SSH1: variants seen among roughly 807,000 people sequenced by gnomAD.
SSH1 encodes the protein protein phosphatase Slingshot homolog 1.
In SSH1, 43 loss-of-function variants were observed where a neutral mutation model predicts 79.7. That is an observed-to-expected ratio of 0.54 (90% CI 0.42 to 0.70). SSH1 has a LOEUF of 0.70. Ranked by LOEUF, SSH1 falls within the 30% of genes least tolerant of loss-of-function variation. SSH1 has a pLI of 0.00. For synonymous variants in SSH1, 599 were observed against 538.3 expected (o/e 1.11, Z -1.56); for missense variants, 1,206 against 1,358.8 (o/e 0.89, Z 1.77).
Position 108,787,295 on chromosome 12 carries a change from A to C in SSH1, c.*693T>G, listed in dbSNP as rs536070128. ...CCCTGTGCTGGTCAAACACGTAACA[A>C]CACAACCAGGACAGGGCGCCTGCAC... On this transcript the variant is annotated 3_prime_UTR_variant, in exon 15 of 15. Coordinates refer to ENST00000326495, the MANE Select transcript of SSH1 (RefSeq NM_018984.4). 1 of 152,632 alleles carries C rather than the reference A, an allele frequency of 6.6e-6. No individual in the cohort carries two copies. The highest frequency in any genetic ancestry group is 1.9e-4 in the East Asian group (1 of 5,194). The allele number at this position is 152,632 out of a possible 1,614,324, so 9.5% of individuals were successfully genotyped here. A position where few individuals can be genotyped will look rare whatever the true frequency, so the allele number is the denominator to read the frequency against.
intron 9 of SSH1, among the ~76,000 whole-genome samples, 169 bp downstream of exon 9, chr12:108,806,132 G>A (rs4631932): frequency 6.6e-6 from 1 of 152,116 alleles, no homozygotes; most frequent in South Asian, 2.1e-4. Flanking sequence ...GTCTGACTCC[G>A]AGGCCTGATA....
chr12:108,820,889 G>A (rs1358690578), intron 3 of SSH1, among the ~76,000 whole-genome samples: 2 of 152,182 alleles, frequency 1.3e-5, no homozygotes, highest in Non-Finnish European at 2.9e-5. Flanking sequence ...CGACCTCATC[G>A]TCCACTCCAG....
At chr12:108,806,151 G>A (rs1186104354) in intron 9 of SSH1, 150 bp downstream of exon 9, 1 of 777,910 alleles carries the variant, frequency 1.3e-6, no homozygotes, top group African/African-American at 1.7e-5. Flanking sequence ...TACAATTGTA[G>A]AACGAGGCAG....
chr12:108,813,412 C>T (rs978700947), intron 5 of SSH1, among the ~76,000 whole-genome samples: 14 of 151,888 alleles, frequency 9.2e-5, no homozygotes, highest in Admixed American at 2.6e-4. Flanking sequence ...GTTCCCAATC[C>T]GAATCGAAAA....
intron 2 of SSH1, among the ~76,000 whole-genome samples, chr12:108,828,121 G>A (rs887780842): frequency 6.6e-6 from 1 of 152,180 alleles, no homozygotes; most frequent in Non-Finnish European, 1.5e-5. Context: ...AATGGAATAA[G>A]TACCCTAAGA....
rs1013926237 is a variant in SSH1 at position 108,790,564 on chromosome 12, G to T, written c.1894-1320C>A. On this transcript the variant is annotated intron_variant, in intron 14 of 14. Coordinates refer to ENST00000326495, the MANE Select transcript of SSH1 (RefSeq NM_018984.4). ...CTCCAAAAGTGCTGGGATTATAAGC[G>T]TGAGCCACTGCACCTGGCCCAGGGT... is the stretch of plus-strand genomic sequence containing the variant. Among the ~76,000 whole-genome samples the T allele has an allele frequency of 2.0e-5, 3 of 152,286 alleles. No individual in the cohort carries two copies. In the South Asian group the frequency reaches 6.2e-4, roughly 32 times the overall value.
chr12:108,817,927 C>A (rs187367541), intron 4 of SSH1, among the ~76,000 whole-genome samples: 1 of 151,948 alleles, frequency 6.6e-6, no homozygotes, highest in Admixed American at 6.6e-5. Context: ...TGGCTGGGCA[C>A]GGTGGCTTAC....
intron 2 of SSH1, among the ~76,000 whole-genome samples, chr12:108,846,252 T>C (rs1256901685): frequency 6.6e-6 from 1 of 151,972 alleles, no homozygotes. Flanking sequence ...CAAATTATAA[T>C]AATTCTAATG....
At chr12:108,839,737 A>C (rs1309637851) in intron 2 of SSH1, among the ~76,000 whole-genome samples, 2 of 152,232 alleles carry the variant, frequency 1.3e-5, no homozygotes, top group African/African-American at 2.4e-5. Context: ...GATATTTCCC[A>C]GATAAAAGCC....
chr12:108,792,077 G>A (rs1271658610), intron 14 of SSH1: 1 of 1,455,976 alleles, frequency 6.9e-7, no homozygotes, highest in Non-Finnish European at 9.1e-7. Flanking sequence ...TATAAGGTAT[G>A]CACTACGTAC....
intron 13 of SSH1, among the ~76,000 whole-genome samples, chr12:108,798,556 G>GCTTGCCCTGA (rs11278247): frequency 6.6e-6 from 1 of 152,120 alleles, no homozygotes; most frequent in Admixed American, 6.5e-5. Context: ...AGACTGATGG[G>GCTTGCCCTGA]CTTGCCCTGA....
intron 2 of SSH1, among the ~76,000 whole-genome samples, chr12:108,851,104 G>A (rs752981330): frequency 6.6e-6 from 1 of 152,150 alleles, no homozygotes; most frequent in Non-Finnish European, 1.5e-5. Context: ...ACCCCAGGGT[G>A]ATGGAGCAAA....
At chr12:108,827,157 A>C (rs1056064663) in intron 2 of SSH1, 2 of 1,108,624 alleles carry the variant, frequency 1.8e-6, no homozygotes, top group Non-Finnish European at 2.5e-6. Flanking sequence ...AAAAAACCTC[A>C]ATCAATGCTC....
At chr12:108,804,913 G>T in intron 10 of SSH1, 143 bp downstream of exon 10, 1 of 963,262 alleles carries the variant, frequency 1.0e-6, no homozygotes, top group Non-Finnish European at 1.6e-6. Flanking sequence ...GCCAAAGAGG[G>T]GAGCTCCTGC....
chr12:108,792,695 A>C lies in SSH1; in HGVS notation c.1484T>G (p.Leu495Trp). The C allele has an allele frequency of 6.2e-7, 1 of 1,613,042 alleles. No homozygotes were observed. Among genetic ancestry groups the C allele is most frequent in the Non-Finnish European group, 8.5e-7 (1 of 1,179,940 alleles). Reference sequence around the variant, plus strand: ...TAAGCCGGGCTGGGCGGCATCATCCAAGAAGGGCAGCTGGCTTTCCGGGGT... The same window carrying C: ...TAAGCCGGGCTGGGCGGCATCATCCCAGAAGGGCAGCTGGCTTTCCGGGGT... ...DGTPESQLPF[L>W]DDAAQPGLGP... is the part of the protein sequence containing the mutation. The change falls in exon 14 of 15, where the codon TTG becomes TGG. Residue 495 changes from leucine to tryptophan, a missense_variant. Physicochemically the swap from Leu to Trp is moderately conservative, Grantham distance 61. Around this residue, in one of 5 missense-constraint regions of SSH1, gnomAD observed 709 missense variants for 730.6 expected, o/e 0.97. Transcript: ENST00000326495.
At chr12:108,846,466 A>G (rs891602420) in intron 2 of SSH1, among the ~76,000 whole-genome samples, 7 of 152,176 alleles carry the variant, frequency 4.6e-5, no homozygotes, top group African/African-American at 1.7e-4. Context: ...ACCAATTCCC[A>G]CAGTCTGAAC....
intron 3 of SSH1, among the ~76,000 whole-genome samples, chr12:108,819,254 A>C (rs1427837906): frequency 6.6e-6 from 1 of 152,246 alleles, no homozygotes; most frequent in African/African-American, 2.4e-5. Flanking sequence ...TATGTAAAAC[A>C]GGCAGTAACC....
At position 108,802,347 on chromosome 12, in the gene SSH1, T is replaced by C; in HGVS notation, c.976A>G (p.Asn326Asp). The C allele has an allele frequency of 6.2e-7, 1 of 1,614,030 alleles. No homozygotes were observed. Residue 326 changes from asparagine (N) to aspartate (D), a missense_variant, in exon 11 of 15, where the codon AAT becomes GAT. Physicochemically the swap from Asn to Asp is conservative, Grantham distance 23. This residue lies in a region of SSH1 where 166 missense variants were observed against 262.9 expected (regional missense o/e 0.63). Transcript: ENST00000326495. Reference protein sequence around the residue: ...LYLGSEWNASNLEELQGSGVD... With the variant: ...LYLGSEWNASDLEELQGSGVD... ...CCTGAGCCCTGCAGTTCCTCCAGAT[T>C]GGATGCATTCCATTCAGAGCCCTGG...
At chr12:108,840,490 G>A (rs2038750084) in intron 2 of SSH1, among the ~76,000 whole-genome samples, 2 of 151,460 alleles carry the variant, frequency 1.3e-5, no homozygotes, top group South Asian at 2.1e-4. Flanking sequence ...CCGAGATCGT[G>A]CCACTGCACT....
Sources: allele counts gnomAD v4.1 joint callset (sites outside exome capture counted in the v4.1 genomes callset), GRCh38; gene constraint gnomAD v4.1.1; regional missense constraint gnomAD v4.1.1; transcripts MANE v1.5; gene names NCBI Gene and HGNC (gene_info 2026-07-23, HGNC 2026-07-21).